RALGAPB: variants seen among roughly 807,000 people sequenced by gnomAD.
RALGAPB encodes Ral GTPase activating protein non-catalytic subunit beta.
Under a neutral mutation model 161.1 loss-of-function variants are expected in RALGAPB, and 25 were observed. That is an observed-to-expected ratio of 0.16 (90% CI 0.11 to 0.22). The LOEUF (loss-of-function observed/expected upper bound fraction) is 0.22, where lower values mean the gene tolerates loss of function less well. Among genes scored for constraint, RALGAPB ranks in the 10% least tolerant of loss-of-function variants. RALGAPB has a pLI of 1.00. For missense variants in RALGAPB, 1,391 were observed against 1,815.2 expected, an observed-to-expected ratio of 0.77 and a Z score of 4.25; for synonymous variants, 629 against 626.1, an observed-to-expected ratio of 1.00 and a Z score of -0.07.
intron 18 of RALGAPB, among the ~76,000 whole-genome samples, chr20:38,541,849 A>G (rs1438373501): frequency 6.6e-6 from 1 of 152,198 alleles, no homozygotes; most frequent in Non-Finnish European, 1.5e-5. Context: ...GAGGAAAATG[A>G]CACTGGACCT....
At position 38,497,424 on chromosome 20, in the gene RALGAPB, A is replaced by G. The variant is rs376920561; in HGVS notation, c.461A>G (p.Glu154Gly). 1.3e-5 allele frequency: 21 copies of G among 1,613,630 alleles called. No homozygotes were observed. The highest frequency in any genetic ancestry group is 1.7e-5 in the Non-Finnish European group (20 of 1,179,670). The change falls in exon 4 of 30, where the codon GAG becomes GGG. Residue 154 changes from glutamate to glycine, a missense_variant. Transcript: ENST00000262879. ...AGAGCCATTCAGAAACTGGCCCGTGAGTCATCTCTCATGGCCCGAGAAACT... is the reference window on the plus strand; with the variant it reads ...AGAGCCATTCAGAAACTGGCCCGTGGGTCATCTCTCATGGCCCGAGAAACT... Reference protein sequence around the residue: ...VLRAIQKLARESSLMARETWE... With the variant: ...VLRAIQKLARGSSLMARETWE...
chr20:38,480,592 G>C (rs947558774), intron 1 of RALGAPB, among the ~76,000 whole-genome samples: 12 of 150,554 alleles, frequency 8.0e-5, no homozygotes, highest in Non-Finnish European at 1.5e-4. Flanking sequence ...TCACCATGTT[G>C]GTCAGCCTGG....
intron 24 of RALGAPB, among the ~76,000 whole-genome samples, chr20:38,562,953 G>A (rs1002865618): frequency 2.0e-5 from 3 of 152,126 alleles, no homozygotes; most frequent in Non-Finnish European, 2.9e-5. Context: ...CCATGTATTT[G>A]TAGTCCTACC....
rs1264042288 is a variant in RALGAPB, at chr20:38,488,514, A to C, written c.82A>C (p.Ser28Arg). The change falls in exon 2 of 30, where the codon AGC becomes CGC. Residue 28 changes from serine to arginine, a missense_variant. By Grantham distance (110) the Ser-to-Arg change is moderately radical (BLOSUM62 -1). Transcript: ENST00000262879. ...HTSVLHSYPE[S>R]VGREVANAVV... ...CAGTGTGCTGCACAGCTATCCAGAG[A>C]GCGTTGGACGAGAGGTGGCAAATGC... is the stretch of plus-strand genomic sequence containing the variant. 1 of 1,614,068 alleles carries C rather than the reference A, an allele frequency of 6.2e-7. No individual in the cohort carries two copies. The highest frequency in any genetic ancestry group is 8.5e-7 in the Non-Finnish European group (1 of 1,180,036).
intron 3 of RALGAPB, among the ~76,000 whole-genome samples, chr20:38,494,478 A>G (rs1264882522): frequency 6.6e-6 from 1 of 152,168 alleles, no homozygotes; most frequent in African/African-American, 2.4e-5. Flanking sequence ...TAAAAATACA[A>G]AACTTAGCCG....
At chr20:38,530,676 A>G (rs941222944) in intron 13 of RALGAPB, among the ~76,000 whole-genome samples, 1 of 150,298 alleles carries the variant, frequency 6.7e-6, no homozygotes, top group Non-Finnish European at 1.5e-5. Flanking sequence ...GGCTCACTGC[A>G]ACCTCCACCT....
intron 20 of RALGAPB, among the ~76,000 whole-genome samples, chr20:38,549,365 CTG>C (rs1568965930): frequency 6.6e-6 from 1 of 151,674 alleles, no homozygotes; most frequent in African/African-American, 2.4e-5. Flanking sequence ...GTAGCTGAGA[CTG>C]TAGGCACATG....
Position 38,509,214 on chromosome 20 carries a change from GTTATT to G in RALGAPB, c.872+12_872+16del. On this transcript the variant is annotated splice_region_variant and intron_variant, in intron 6 of 29. Coordinates refer to ENST00000262879, the MANE Select transcript of RALGAPB (RefSeq NM_020336.4). ...CGCTTTTTACACATGTTAAGGTATT[GTTATT>G]TTATTATTTCATGTGCCATTTACCT... 6.2e-7 allele frequency: 1 copy of G among 1,610,828 alleles called. No individual in the cohort carries two copies. Among genetic ancestry groups the G allele is most frequent in the Non-Finnish European group, 8.5e-7 (1 of 1,177,938 alleles).
chr20:38,565,335 T>C (rs1287022597), intron 24 of RALGAPB, 24 bp from the exon 25 acceptor site: 2 of 1,612,162 alleles, frequency 1.2e-6, no homozygotes, highest in South Asian at 2.2e-5. Context: ...GAAGCGGTAA[T>C]GTAGTGTTTC....
At position 38,562,806 on chromosome 20, in the gene RALGAPB, C is replaced by CT. The variant is rs1180421513; in HGVS notation, c.3697+110dup. The stretch of plus-strand genomic sequence containing the variant: ...GTCTTGTTAAAAATACAAAACCAGG[C>CT]TGGGTACAGTGGCGCATGCCTGTCT... On this transcript the variant is annotated intron_variant, in intron 24 of 29. Transcript: ENST00000262879. 44 of 1,280,330 alleles carry CT rather than the reference C, an allele frequency of 3.4e-5. No individual in the cohort carries two copies. In the Admixed American group the frequency reaches 1.1e-3, roughly 33 times the overall value. The allele number at this position is 1,280,330 out of a possible 1,614,324, so 79.3% of individuals were successfully genotyped here.
At chr20:38,549,549 AATAT>A (rs1555882891) in intron 20 of RALGAPB, among the ~76,000 whole-genome samples, 1 of 131,110 alleles carries the variant, frequency 7.6e-6, no homozygotes, top group Non-Finnish European at 1.6e-5. Flanking sequence ...AAAAAAAAAA[AATAT>A]ATATATATAT....
chr20:38,495,879 C>T (rs1242375559), intron 3 of RALGAPB, among the ~76,000 whole-genome samples: 1 of 152,048 alleles, frequency 6.6e-6, no homozygotes, highest in Non-Finnish European at 1.5e-5. Flanking sequence ...TGTCATTGGG[C>T]AAATACCTGG....
intron 1 of RALGAPB, among the ~76,000 whole-genome samples, chr20:38,475,907 G>A (rs1223194835): frequency 3.9e-5 from 6 of 152,082 alleles, no homozygotes; most frequent in Non-Finnish European, 5.9e-5. Flanking sequence ...ATTAGCCACC[G>A]TCCCCAGCCC....
chr20:38,491,694 C>G (rs1267587063), intron 2 of RALGAPB, among the ~76,000 whole-genome samples: 1 of 152,162 alleles, frequency 6.6e-6, no homozygotes, highest in African/African-American at 2.4e-5. Flanking sequence ...TGCTAAGCTT[C>G]TGTTTTCTTA....
chr20:38,526,130 C>T (rs908584590), intron 13 of RALGAPB, 88 bp downstream of exon 13: 53 of 1,414,932 alleles, frequency 3.7e-5, no homozygotes, highest in Non-Finnish European at 5.0e-5. Flanking sequence ...TAATGGGAGC[C>T]TAAACCTAAT....
intron 6 of RALGAPB, among the ~76,000 whole-genome samples, chr20:38,513,465 C>T (rs1237619959): frequency 2.2e-4 from 15 of 67,248 alleles, no homozygotes; most frequent in East Asian, 9.6e-4. Flanking sequence ...GGCGACAGAG[C>T]GGCGGCGGTG....
chr20:38,482,283 T>C (rs1160152091), intron 1 of RALGAPB, among the ~76,000 whole-genome samples: 1 of 152,042 alleles, frequency 6.6e-6, no homozygotes, highest in Non-Finnish European at 1.5e-5. Flanking sequence ...AGGCATTAGT[T>C]TTGCTGTCTC....
chr20:38,562,701 A>G lies in RALGAPB; in HGVS notation c.3697+4A>G. 1 of 1,591,258 alleles carries G rather than the reference A, an allele frequency of 6.3e-7. No individual in the cohort carries two copies. The highest frequency in any genetic ancestry group is 8.5e-7 in the Non-Finnish European group (1 of 1,172,336). On this transcript the variant is annotated splice_donor_region_variant and intron_variant, in intron 24 of 29. Coordinates refer to ENST00000262879, the MANE Select transcript of RALGAPB (RefSeq NM_020336.4). ...GATGGTGAAGGATCTCAACAAGGTA[A>G]AACTCACAGTGTTTCAAATGTCAGT...
Position 38,543,765 on chromosome 20 carries a change from A to G in RALGAPB, c.2715-2478A>G, listed in dbSNP as rs568644175. 1.6e-4 allele frequency among the ~76,000 whole-genome samples: 25 copies of G among 152,286 alleles called. No individual in the cohort carries two copies. In the East Asian group the frequency reaches 4.8e-3, roughly 29 times the overall value. On this transcript the variant is annotated intron_variant, in intron 18 of 29. Coordinates refer to ENST00000262879, the MANE Select transcript of RALGAPB (RefSeq NM_020336.4). Reference sequence around the variant, plus strand: ...CACTTGGCTACATCCTCCGCTGTTCAGTGCTTATAGCAAATCTATCTACCT... The same window carrying G: ...CACTTGGCTACATCCTCCGCTGTTCGGTGCTTATAGCAAATCTATCTACCT...
Sources: allele counts gnomAD v4.1 joint callset (sites outside exome capture counted in the v4.1 genomes callset), GRCh38; gene constraint gnomAD v4.1.1; transcripts MANE v1.5; gene names NCBI Gene and HGNC (gene_info 2026-07-23, HGNC 2026-07-21).